Variants in EML4 observed in about 807,000 individuals in gnomAD.
EML4 encodes echinoderm microtubule-associated protein-like 4.
Under a neutral mutation model 129.0 loss-of-function variants are expected in EML4, and 72 were observed. That is an observed-to-expected ratio of 0.56 (90% CI 0.46 to 0.68). EML4 has a LOEUF of 0.68. Ranked by LOEUF, EML4 falls within the 30% of genes least tolerant of loss-of-function variation. EML4 has a pLI of 0.00. For missense variants in EML4, 1,363 were observed against 1,190.6 expected (o/e 1.14, Z -2.13); for synonymous variants, 532 against 405.0 (o/e 1.31, Z -3.77).
intron 9 of EML4, chr2:42,285,889 G>T (rs191809090): frequency 4.6e-6 from 1 of 219,064 alleles, no homozygotes; most frequent in Non-Finnish European, 9.3e-6. Context: ...GTGGGCCCCC[G>T]TGCCTGGCCG....
rs2103860128 is a variant in EML4 at position 42,332,306 on chromosome 2, C to T, written c.*2099C>T. ...AGTTTCAAAAGACACTACTAATACGCAGGAAGCGTTCCAGCTATTTAATGC... is the reference window on the plus strand; with the variant it reads ...AGTTTCAAAAGACACTACTAATACGTAGGAAGCGTTCCAGCTATTTAATGC... On this transcript the variant is annotated 3_prime_UTR_variant, in exon 23 of 23. Transcript: ENST00000318522. The T allele has an allele frequency of 4.7e-6, 1 of 212,490 alleles. No individual in the cohort carries two copies. The highest frequency in any genetic ancestry group is 7.0e-5 in the East Asian group (1 of 14,210). The allele number at this position is 212,490 out of a possible 1,614,324, so 13.2% of individuals were successfully genotyped here. A position where few individuals can be genotyped will look rare whatever the true frequency, so the allele number is the denominator to read the frequency against.
intron 1 of EML4, among the ~76,000 whole-genome samples, chr2:42,221,411 TTTTTTTTTTTTTTTTTGAGACAGGACC>T (rs1673588491): frequency 1.5e-5 from 1 of 66,120 alleles, no homozygotes; most frequent in Non-Finnish European, 2.9e-5. Context: ...TACTTTTTTT[TTTTTTTTTTTTTTTTTGAGACAGGACC>T]TTGCTTTGTC....
chr2:42,192,122 C>A (rs1445559662), intron 1 of EML4, among the ~76,000 whole-genome samples: 33 of 138,342 alleles, frequency 2.4e-4, no homozygotes, highest in South Asian at 2.3e-4. Context: ...GAAACTGTCT[C>A]AAAAAAAAAA....
chr2:42,216,230 CTTTTTTTTTT>C (rs61417977), intron 1 of EML4, among the ~76,000 whole-genome samples: 14 of 43,378 alleles, frequency 3.2e-4, no homozygotes, highest in Admixed American at 5.4e-4. Context: ...CGGCCCACTT[CTTTTTTTTTT>C]TTTTTTTTTT....
chr2:42,264,101 G>GGGT (rs1665906643), intron 5 of EML4, among the ~76,000 whole-genome samples: 1 of 95,672 alleles, frequency 1.0e-5, no homozygotes, highest in Non-Finnish European at 2.1e-5. Context: ...CAAACAATAC[G>GGGT]TGTTTTTTTT....
intron 6 of EML4, among the ~76,000 whole-genome samples, chr2:42,267,004 A>G (rs7601905): frequency 0.23 from 35,133 of 152,132 alleles, 5,782 homozygotes; most frequent in African/African-American, 0.47. Flanking sequence ...ATGTATAGCA[A>G]ACAATGTCAT....
At chr2:42,242,998 G>A (rs1017675186) in intron 1 of EML4, among the ~76,000 whole-genome samples, 6 of 151,912 alleles carry the variant, frequency 3.9e-5, no homozygotes, top group Admixed American at 2.6e-4. Flanking sequence ...GGCTGGTCTC[G>A]AACTCCTGGG....
chr2:42,225,156 G>C (rs1167734010), intron 1 of EML4, among the ~76,000 whole-genome samples: 1 of 152,096 alleles, frequency 6.6e-6, no homozygotes, highest in Non-Finnish European at 1.5e-5. Context: ...CCATTCATGT[G>C]TTTATGGACA....
chr2:42,217,147 T>C (rs17029344), intron 1 of EML4, among the ~76,000 whole-genome samples: 20,274 of 152,238 alleles, frequency 0.13, 1,347 homozygotes, highest in East Asian at 0.18. Flanking sequence ...TTAAGCATAT[T>C]AGAAACCTTT....
intron 1 of EML4, among the ~76,000 whole-genome samples, chr2:42,175,927 A>C (rs1558474118): frequency 6.6e-6 from 1 of 151,858 alleles, no homozygotes; most frequent in African/African-American, 2.4e-5. Flanking sequence ...TCCTATGCTT[A>C]GTTTTTTAAT....
chr2:42,199,251 G>A (rs1277148576), intron 1 of EML4, among the ~76,000 whole-genome samples: 2 of 152,184 alleles, frequency 1.3e-5, no homozygotes, highest in Non-Finnish European at 2.9e-5. Context: ...TATAGAGGTG[G>A]ATTATTCAAT....
intron 1 of EML4, among the ~76,000 whole-genome samples, chr2:42,223,487 G>A (rs1341770519): frequency 6.6e-6 from 1 of 152,096 alleles, no homozygotes; most frequent in East Asian, 1.9e-4. Context: ...GATTATCTCT[G>A]TTTTGTTTGT....
At chr2:42,197,797 A>T (rs997563066) in intron 1 of EML4, among the ~76,000 whole-genome samples, 4 of 152,224 alleles carry the variant, frequency 2.6e-5, no homozygotes, top group African/African-American at 9.6e-5. Flanking sequence ...ATTGACAAAG[A>T]TTACAGTTTT....
chr2:42,219,747 A>G (rs1673441604), intron 1 of EML4, among the ~76,000 whole-genome samples: 1 of 151,844 alleles, frequency 6.6e-6, no homozygotes, highest in African/African-American at 2.4e-5. Context: ...GTGAAGCCCC[A>G]TCTCTACTAA....
intron 1 of EML4, among the ~76,000 whole-genome samples, chr2:42,227,239 C>T (rs1298884738): frequency 6.6e-6 from 1 of 152,094 alleles, no homozygotes; most frequent in Non-Finnish European, 1.5e-5. Context: ...CCCCCACAGC[C>T]TGCCCCAAGT....
At chr2:42,260,014 G>A (rs1265075276) in intron 3 of EML4, among the ~76,000 whole-genome samples, 1 of 151,560 alleles carries the variant, frequency 6.6e-6, no homozygotes. Context: ...ACAGGCGTGA[G>A]CCACTGTGCC....
chr2:42,320,185 T>A (rs1669449174), intron 19 of EML4, among the ~76,000 whole-genome samples: 2 of 152,016 alleles, frequency 1.3e-5, no homozygotes, highest in African/African-American at 2.4e-5. Flanking sequence ...AGGGCCTTGC[T>A]CTCAACTTCA....
intron 6 of EML4, among the ~76,000 whole-genome samples, chr2:42,276,205 A>G (rs1194763477): frequency 1.3e-5 from 2 of 152,146 alleles, no homozygotes; most frequent in Non-Finnish European, 2.9e-5. Flanking sequence ...GTATGTTTTC[A>G]TATGATGTTT....
At chr2:42,240,666 T>C (rs578138605) in intron 1 of EML4, among the ~76,000 whole-genome samples, 2 of 152,348 alleles carry the variant, frequency 1.3e-5, no homozygotes, top group South Asian at 4.1e-4. Flanking sequence ...TCAGGTCATT[T>C]CTAATTTTGT....
Sources: allele counts gnomAD v4.1 joint callset (sites outside exome capture counted in the v4.1 genomes callset), GRCh38; gene constraint gnomAD v4.1.1; transcripts MANE v1.5; gene names NCBI Gene and HGNC (gene_info 2026-07-23, HGNC 2026-07-21).